The following ZNF783 variants were observed in gnomAD, a reference collection of about 807,000 sequenced individuals.
ZNF783 encodes the protein protein ZNF783.
In ZNF783, 25 loss-of-function variants were observed where a neutral mutation model predicts 31.3. The observed-to-expected ratio is 0.80, with a 90% CI of 0.58 to 1.11. The LOEUF (loss-of-function observed/expected upper bound fraction) is 1.11, where lower values mean the gene tolerates loss of function less well. ZNF783 is among the 50% of genes most tolerant of loss of function. The pLI is 0.00. For missense variants in ZNF783, 797 were observed against 760.0 expected (o/e 1.05, Z -0.57); for synonymous variants, 369 against 319.1 (o/e 1.16, Z -1.66).
intron 1 of ZNF783, among the ~76,000 whole-genome samples, chr7:149,262,713 G>T (rs573578469): frequency 6.6e-6 from 1 of 152,208 alleles, no homozygotes. Context: ...GGCAGGGGCC[G>T]CCAGCCCCAC....
chr7:149,265,830 A>G (rs1304747380), intron 1 of ZNF783, among the ~76,000 whole-genome samples: 1 of 151,992 alleles, frequency 6.6e-6, no homozygotes, highest in African/African-American at 2.4e-5. Context: ...TATTATCTCC[A>G]TTTTCTAGAT....
intron 4 of ZNF783, among the ~76,000 whole-genome samples, chr7:149,269,654 T>C (rs1797164835): frequency 6.6e-6 from 1 of 152,154 alleles, no homozygotes; most frequent in African/African-American, 2.4e-5. Flanking sequence ...CTAGTTACCC[T>C]AGCAACATTT....
intron 4 of ZNF783, chr7:149,278,197 T>C (rs1249049545): frequency 7.3e-7 from 1 of 1,374,994 alleles, no homozygotes; most frequent in African/African-American, 1.5e-5. Context: ...ATTCCTGTGC[T>C]GCAGTTTCCT....
chr7:149,262,319 G>A lies in ZNF783; in HGVS notation c.-15G>A. The A allele has an allele frequency of 7.4e-7, 1 of 1,356,362 alleles. No homozygotes were observed. The allele number at this position is 1,356,362 out of a possible 1,614,324, so 84.0% of individuals were successfully genotyped here. A position where few individuals can be genotyped will look rare whatever the true frequency, so the allele number is the denominator to read the frequency against. ...GGGTCCAGGGACTGCAACCCAGCGAGGGACGCGGGCAGCCATGGCCGAAGC... is the reference window on the plus strand; with the variant it reads ...GGGTCCAGGGACTGCAACCCAGCGAAGGACGCGGGCAGCCATGGCCGAAGC... On this transcript the variant is annotated 5_prime_UTR_variant, in exon 1 of 6. Transcript: ENST00000434415.
intron 1 of ZNF783, among the ~76,000 whole-genome samples, chr7:149,264,475 C>T (rs142899069): frequency 2.8e-4 from 42 of 152,208 alleles, no homozygotes; most frequent in Non-Finnish European, 4.9e-4. Context: ...CAAGAGAGGT[C>T]GGCTGGGCCA....
chr7:149,281,331 C>T (rs1248500874), intron 5 of ZNF783, among the ~76,000 whole-genome samples, 174 bp from the exon 6 acceptor site: 2 of 152,336 alleles, frequency 1.3e-5, no homozygotes, highest in South Asian at 2.1e-4. Flanking sequence ...ACTGAGTGAC[C>T]GTGCAAGGCA....
chr7:149,269,350 T>G (rs1031911246), intron 4 of ZNF783, among the ~76,000 whole-genome samples: 2 of 152,250 alleles, frequency 1.3e-5, no homozygotes, highest in African/African-American at 4.8e-5. Context: ...TTCCAGATAT[T>G]TTCTCCCATT....
In ZNF783 at chr7:149,282,470, T is replaced by A; in HGVS notation, c.*127T>A. The A allele has an allele frequency of 4.9e-6, 4 of 823,620 alleles. No homozygotes were observed. The highest frequency in any genetic ancestry group is 7.3e-6 in the Non-Finnish European group (4 of 549,146). The allele number at this position is 823,620 out of a possible 1,614,324, so 51.0% of individuals were successfully genotyped here. A position where few individuals can be genotyped will look rare whatever the true frequency, so the allele number is the denominator to read the frequency against. Reference sequence around the variant, plus strand: ...CATTCAAATGGGAAGCTAGCTGCCCTTCTGGTGACATTGTGTGTGACCGGG... The same window carrying A: ...CATTCAAATGGGAAGCTAGCTGCCCATCTGGTGACATTGTGTGTGACCGGG... On this transcript the variant is annotated 3_prime_UTR_variant, in exon 6 of 6. Coordinates refer to ENST00000434415, the MANE Select transcript of ZNF783 (RefSeq NM_001195220.2).
In ZNF783 at chr7:149,267,086, T is replaced by A; in HGVS notation, c.548-11T>A. The stretch of plus-strand genomic sequence containing the variant: ...GGTCCAGCTCTTCCTCATTTCTTGT[T>A]CTGTGCACAGATTATGCAATCTCCA... On this transcript the variant is annotated splice_polypyrimidine_tract_variant and intron_variant, in intron 3 of 5. Transcript: ENST00000434415. 6.2e-7 allele frequency: 1 copy of A among 1,602,322 alleles called. No individual in the cohort carries two copies. Among genetic ancestry groups the A allele is most frequent in the African/African-American group, 1.3e-5 (1 of 75,018 alleles).
chr7:149,266,152 A>ATC (rs1797058636), intron 1 of ZNF783, among the ~76,000 whole-genome samples, 183 bp from the exon 2 acceptor site: 1 of 152,044 alleles, frequency 6.6e-6, no homozygotes, highest in Admixed American at 6.5e-5. Context: ...TATCTCTTGT[A>ATC]TCAGTTAGGC....
chr7:149,278,310 A>G, intron 4 of ZNF783, 89 bp from the exon 5 acceptor site: 1 of 1,564,758 alleles, frequency 6.4e-7, no homozygotes, highest in Non-Finnish European at 8.6e-7. Context: ...CCAGGATCGC[A>G]GTGACTCTGC....
In ZNF783 at chr7:149,282,983, T is replaced by TTTTTTG. The variant is rs1797519303; in HGVS notation, c.*644_*645insTGTTTT. 5 of 136,934 alleles carry TTTTTTG rather than the reference T, an allele frequency of 3.7e-5. No homozygotes were observed. Among genetic ancestry groups the TTTTTTG allele is most frequent in the Admixed American group, 3.0e-4 (4 of 13,406 alleles). The allele number at this position is 136,934 out of a possible 1,614,324, so 8.5% of individuals were successfully genotyped here. A position where few individuals can be genotyped will look rare whatever the true frequency, so the allele number is the denominator to read the frequency against. On this transcript the variant is annotated 3_prime_UTR_variant, in exon 6 of 6. Transcript: ENST00000434415. ...TTTTTTTTTTGTTGTTGTTGTTGTT[T>TTTTTTG]TTTTAAGATGGAGTTTCACTCTTGT... is the stretch of plus-strand genomic sequence containing the variant.
chr7:149,278,999 G>T (rs1371529992), intron 5 of ZNF783, among the ~76,000 whole-genome samples: 1 of 152,178 alleles, frequency 6.6e-6, no homozygotes, highest in Non-Finnish European at 1.5e-5. Flanking sequence ...TTATTTAAAG[G>T]CAGTCCCTGC....
chr7:149,266,987 T>G, intron 3 of ZNF783, 42 bp downstream of exon 3: 1 of 1,613,862 alleles, frequency 6.2e-7, no homozygotes, highest in South Asian at 1.1e-5. Flanking sequence ...GTCCACAGGT[T>G]GTCTGTGGAC....
At chr7:149,263,292 GTGTGTGTGTGTGTATATATA>G (rs1166820284) in intron 1 of ZNF783, among the ~76,000 whole-genome samples, 12 of 82,780 alleles carry the variant, frequency 1.4e-4, no homozygotes, top group Admixed American at 4.9e-4. Flanking sequence ...GTGTGTGTGT[GTGTGTGTGTGTGTATATATA>G]TATATATATA....
chr7:149,263,512 A>G (rs1325544048), intron 1 of ZNF783, among the ~76,000 whole-genome samples: 6 of 151,930 alleles, frequency 3.9e-5, no homozygotes, highest in Admixed American at 3.9e-4. Flanking sequence ...CTATCTGTCC[A>G]GATACATATC....
At chr7:149,275,243 T>C (rs1797300380) in intron 4 of ZNF783, among the ~76,000 whole-genome samples, 1 of 152,164 alleles carries the variant, frequency 6.6e-6, no homozygotes, top group Non-Finnish European at 1.5e-5. Flanking sequence ...TGTATATTGA[T>C]TCCGTATGCT....
intron 4 of ZNF783, chr7:149,277,339 ATGTGAGCCATTTGC>A (rs147643748): frequency 0.077 from 11,698 of 152,234 alleles, 560 homozygotes; most frequent in African/African-American, 0.11. Flanking sequence ...TGGACAAATG[ATGTGAGCCATTTGC>A]TGATTTCATC....
At position 149,283,986 on chromosome 7, in the gene ZNF783, C is replaced by G. The variant is rs574842168; in HGVS notation, c.*1643C>G. 23 of 152,274 alleles carry G rather than the reference C, an allele frequency of 1.5e-4. 2 individuals are homozygous for G. In the Middle Eastern group the frequency reaches 0.014, roughly 90 times the overall value. The allele number at this position is 152,274 out of a possible 1,614,324, so 9.4% of individuals were successfully genotyped here. On this transcript the variant is annotated 3_prime_UTR_variant, in exon 6 of 6. Transcript: ENST00000434415. ...CATGGGGCTCTGTTCCCCAGGAGTC[C>G]TTTGTATTTTGGTGAACAAATTCTT...
Sources: allele counts gnomAD v4.1 joint callset (sites outside exome capture counted in the v4.1 genomes callset), GRCh38; gene constraint gnomAD v4.1.1; transcripts MANE v1.5; gene names NCBI Gene and HGNC (gene_info 2026-07-23, HGNC 2026-07-21).